RHPN2: variants seen among roughly 807,000 people sequenced by gnomAD.
RHPN2 encodes rhophilin Rho GTPase binding protein 2.
Under a neutral mutation model 79.0 loss-of-function variants are expected in RHPN2, and 40 were observed. The observed-to-expected ratio is 0.51, with a 90% confidence interval of 0.39 to 0.66. The LOEUF (loss-of-function observed/expected upper bound fraction) is 0.66, where lower values mean the gene tolerates loss of function less well. RHPN2 is among the 30% of genes least tolerant of loss of function. The pLI is 0.00. For missense variants in RHPN2, 686 were observed against 883.5 expected, an observed-to-expected ratio of 0.78 and a Z score of 2.83; for synonymous variants, 285 against 363.5, an observed-to-expected ratio of 0.78 and a Z score of 2.46.
intron 9 of RHPN2, among the ~76,000 whole-genome samples, chr19:33,000,342 T>G (rs1351574823): frequency 6.6e-6 from 1 of 151,738 alleles, no homozygotes; most frequent in Non-Finnish European, 1.5e-5. Context: ...TGCCTCAGCC[T>G]CCCGAGTAGC....
In RHPN2 at chr19:33,002,844, A is replaced by G; in HGVS notation, c.917T>C (p.Met306Thr). 6.2e-7 allele frequency: 1 copy of G among 1,613,896 alleles called. No homozygotes were observed. Among genetic ancestry groups the G allele is most frequent in the Non-Finnish European group, 8.5e-7 (1 of 1,179,848 alleles). The stretch of plus-strand genomic sequence containing the variant: ...AGCCTCCTGAGCCACCTTCACCAGC[A>G]TGAAGAATTCATTCCGGATCCCAGG... ...SLPGIRNEFF[M>T]LVKVAQEAAK... Residue 306 changes from methionine to threonine, a missense_variant, in exon 8 of 15, where the codon ATG becomes ACG. By Grantham distance (81) the Met-to-Thr change is moderately conservative (BLOSUM62 -1). Coordinates refer to ENST00000254260, the MANE Select transcript of RHPN2 (RefSeq NM_033103.5).
intron 4 of RHPN2, among the ~76,000 whole-genome samples, chr19:33,016,129 A>T (rs1971875653): frequency 1.3e-5 from 2 of 152,204 alleles, no homozygotes; most frequent in Admixed American, 1.3e-4. Context: ...ATTTCTAGGG[A>T]TAAAATTAAT....
At chr19:33,043,333 T>C (rs1972115957) in intron 2 of RHPN2, among the ~76,000 whole-genome samples, 1 of 151,858 alleles carries the variant, frequency 6.6e-6, no homozygotes, top group Admixed American at 6.6e-5. Context: ...GACGGATCAC[T>C]TGAGGCCAGG....
At chr19:33,023,993 G>A (rs1460496406) in intron 3 of RHPN2, among the ~76,000 whole-genome samples, 2 of 152,122 alleles carry the variant, frequency 1.3e-5, no homozygotes, top group South Asian at 2.1e-4. Flanking sequence ...TGGCAAATGC[G>A]AGTGTGGAAC....
chr19:32,988,071 C>CT (rs1971624867), intron 14 of RHPN2, among the ~76,000 whole-genome samples: 1 of 151,998 alleles, frequency 6.6e-6, no homozygotes, highest in African/African-American at 2.4e-5. Context: ...TAGTGGTACA[C>CT]ACCTGTAGTT....
intron 1 of RHPN2, among the ~76,000 whole-genome samples, chr19:33,060,315 G>A (rs902436628): frequency 2.6e-5 from 4 of 151,946 alleles, no homozygotes; most frequent in Non-Finnish European, 5.9e-5. Flanking sequence ...CTGGCTAATA[G>A]GCAGGCATTT....
intron 2 of RHPN2, among the ~76,000 whole-genome samples, chr19:33,034,397 A>G (rs1360818919): frequency 6.6e-6 from 1 of 151,762 alleles, no homozygotes; most frequent in Non-Finnish European, 1.5e-5. Flanking sequence ...CGAGGTCAGG[A>G]GATCAAGACC....
In RHPN2 at chr19:32,979,921, C is replaced by T. The variant is rs1213050969; in HGVS notation, c.*75G>A. On this transcript the variant is annotated 3_prime_UTR_variant, in exon 15 of 15. Transcript: ENST00000254260. ...TTGAGAACAGATAGATAGATATTTT[C>T]CATTATGGCACAAACGTTTAAGGCC... The T allele has an allele frequency of 1.3e-6, 2 of 1,529,904 alleles. No individual in the cohort carries two copies. The highest frequency in any genetic ancestry group is 1.4e-5 in the African/African-American group (1 of 72,986). The allele number at this position is 1,529,904 out of a possible 1,614,324, so 94.8% of individuals were successfully genotyped here. A position where few individuals can be genotyped will look rare whatever the true frequency, so the allele number is the denominator to read the frequency against.
At chr19:33,036,947 C>T (rs1348830415) in intron 2 of RHPN2, among the ~76,000 whole-genome samples, 1 of 152,120 alleles carries the variant, frequency 6.6e-6, no homozygotes, top group Non-Finnish European at 1.5e-5. Flanking sequence ...CCACGGCACC[C>T]AGTCCTATCG....
intron 2 of RHPN2, among the ~76,000 whole-genome samples, chr19:33,032,734 G>T (rs1972023350): frequency 6.6e-6 from 1 of 152,130 alleles, no homozygotes; most frequent in Non-Finnish European, 1.5e-5. Flanking sequence ...ACAAGGATTG[G>T]GGTGGGGGCG....
intron 1 of RHPN2, among the ~76,000 whole-genome samples, chr19:33,053,180 G>A (rs980643150): frequency 6.6e-6 from 1 of 151,774 alleles, no homozygotes; most frequent in Non-Finnish European, 1.5e-5. Flanking sequence ...GTAGAGACGA[G>A]GTTTCACCAT....
intron 1 of RHPN2, among the ~76,000 whole-genome samples, chr19:33,062,462 A>AG (rs924759238): frequency 1.3e-5 from 2 of 149,104 alleles, no homozygotes; most frequent in Non-Finnish European, 3.0e-5. Context: ...ACTCCATCTC[A>AG]GGGGGAAAAA....
chr19:33,052,989 T>G (rs1317736592), intron 1 of RHPN2, among the ~76,000 whole-genome samples: 1 of 151,400 alleles, frequency 6.6e-6, no homozygotes, highest in East Asian at 2.0e-4. Context: ...TTTTTTTTTT[T>G]GAGACGAAGT....
At chr19:33,053,570 C>T (rs1255272768) in intron 1 of RHPN2, among the ~76,000 whole-genome samples, 1 of 151,622 alleles carries the variant, frequency 6.6e-6, no homozygotes, top group Non-Finnish European at 1.5e-5. Flanking sequence ...ATTACAGGCG[C>T]ACACCACCAT....
Position 32,999,634 on chromosome 19 carries a change from G to T in RHPN2, c.1177C>A (p.Leu393Met). The T allele has an allele frequency of 6.2e-7, 1 of 1,613,196 alleles. No homozygotes were observed. The highest frequency in any genetic ancestry group is 8.5e-7 in the Non-Finnish European group (1 of 1,179,434). ...SQLYDHMPEG[L>M]TPLATLKNDQ... is the part of the protein sequence containing the mutation. ...TTCTTCAGTGTGGCCAAGGGTGTCA[G>T]CCCCTCTGGCATGTGGTCGTAGAGC... Residue 393 changes from leucine to methionine, a missense_variant, in exon 10 of 15, where the codon CTG becomes ATG. Coordinates refer to ENST00000254260, the MANE Select transcript of RHPN2 (RefSeq NM_033103.5).
intron 1 of RHPN2, among the ~76,000 whole-genome samples, chr19:33,046,016 T>C (rs1370480288): frequency 1.3e-5 from 2 of 152,242 alleles, no homozygotes; most frequent in Non-Finnish European, 2.9e-5. Context: ...GGTTGTAGCA[T>C]GTATCAGAAC....
intron 3 of RHPN2, among the ~76,000 whole-genome samples, chr19:33,022,375 A>T (rs1002113032): frequency 6.7e-6 from 1 of 148,728 alleles, no homozygotes; most frequent in Non-Finnish European, 1.5e-5. Context: ...CCTCACCCCC[A>T]CCTCCTCTGC....
chr19:33,050,739 C>T (rs996179935), intron 1 of RHPN2, among the ~76,000 whole-genome samples: 4 of 152,040 alleles, frequency 2.6e-5, no homozygotes, highest in South Asian at 2.1e-4. Flanking sequence ...AGCACAGTGG[C>T]GTGAACTCGG....
At chr19:33,050,960 G>A (rs1972181674) in intron 1 of RHPN2, among the ~76,000 whole-genome samples, 1 of 152,150 alleles carries the variant, frequency 6.6e-6, no homozygotes, top group Non-Finnish European at 1.5e-5. Flanking sequence ...AACTAAAAAA[G>A]TACTAACTCA....
Sources: gnomAD v4.1 joint callset for allele counts (sites outside exome capture counted in the v4.1 genomes callset) on GRCh38, gnomAD v4.1.1 for gene constraint, MANE v1.5 for transcripts, NCBI Gene and HGNC (gene_info 2026-07-23, HGNC 2026-07-21) for gene names.